Variants in P2RY12 observed in about 807,000 individuals in gnomAD.
P2RY12 encodes P2Y purinoceptor 12.
In P2RY12, 3 loss-of-function variants were observed where a neutral mutation model predicts 4.5. That is an observed-to-expected ratio of 0.67 (90% CI 0.31 to 1.74). P2RY12 has a LOEUF of 1.74. P2RY12 is among the 40% of genes most tolerant of loss of function. The pLI is 0.09. For missense variants in P2RY12, 356 were observed against 407.8 expected (o/e 0.87, Z 1.09); for synonymous variants, 148 against 154.1 (o/e 0.96, Z 0.29).
At chr3:151,369,383 A>G in intron 1 of P2RY12, 1 of 1,260,896 alleles carries the variant, frequency 7.9e-7, no homozygotes, top group Non-Finnish European at 1.1e-6. Context: ...AAATAATTAC[A>G]AAACATTACT....
At position 151,338,067 on chromosome 3, in the gene P2RY12, G is replaced by T. The variant is rs1325581551; in HGVS notation, c.779C>A (p.Thr260Asn). The change falls in exon 3 of 3, where the codon ACC (threonine) becomes AAC (asparagine). Residue 260 changes from threonine to asparagine, a missense_variant. Coordinates refer to ENST00000302632, the MANE Select transcript of P2RY12 (RefSeq NM_022788.5). Reference protein sequence around the residue: ...VPFHFARIPYTLSQTRDVFDC... With the variant: ...VPFHFARIPYNLSQTRDVFDC... ...AAAGACATCCCGGGTTTGGCTCAGG[G>T]TGTAAGGAATTCGGGCAAAATGGAA... 6.2e-7 allele frequency: 1 copy of T among 1,613,896 alleles called. No individual in the cohort carries two copies. The highest frequency in any genetic ancestry group is 1.3e-5 in the African/African-American group (1 of 74,904).
At chr3:151,377,300 C>G in intron 1 of P2RY12, 1 of 738,092 alleles carries the variant, frequency 1.4e-6, no homozygotes, top group Non-Finnish European at 2.2e-6. Flanking sequence ...TACTTGTAAG[C>G]AGGGATTATT....
rs1184367238 is a variant in P2RY12, at chr3:151,368,737, T to TTCATG, written c.-180+15954_-180+15955insCATGA. Among the ~76,000 whole-genome samples the TTCATG allele has an allele frequency of 7.5e-3, 575 of 77,158 alleles. 32 individuals carry two copies. Among genetic ancestry groups the TTCATG allele is most frequent in the Middle Eastern group, 0.012 (2 of 172 alleles). 50.6% of individuals were successfully genotyped at this position (77,158 alleles called of 152,430 possible). A position where few individuals can be genotyped will look rare whatever the true frequency, so the allele number is the denominator to read the frequency against. On this transcript the variant is annotated intron_variant, in intron 1 of 2. Transcript: ENST00000302632. ...TTCATTTCATTTCATTTCATTTCAT[T>TTCATG]TCATTTCATTTCATGTCATTTCATT...
intron 1 of P2RY12, 140 bp from the exon 2 acceptor site, chr3:151,340,900 G>C (rs1054394849): frequency 3.9e-5 from 6 of 152,178 alleles, no homozygotes; most frequent in African/African-American, 1.4e-4. Flanking sequence ...AGGAAATGTG[G>C]GATGAGGATG....
At chr3:151,352,084 C>T (rs1753303332) in intron 1 of P2RY12, among the ~76,000 whole-genome samples, 1 of 152,066 alleles carries the variant, frequency 6.6e-6, no homozygotes, top group African/African-American at 2.4e-5. Flanking sequence ...GGATGAGACC[C>T]AAGTCTAAAC....
chr3:151,342,309 C>G (rs1008520977), intron 1 of P2RY12, among the ~76,000 whole-genome samples: 3 of 152,212 alleles, frequency 2.0e-5, no homozygotes, highest in Admixed American at 6.5e-5. Context: ...ACTGCAGTGT[C>G]CTTCTGTTAT....
chr3:151,348,933 T>A (rs1752903055), intron 1 of P2RY12, among the ~76,000 whole-genome samples: 1 of 152,282 alleles, frequency 6.6e-6, no homozygotes, highest in Non-Finnish European at 1.5e-5. Context: ...AGGAACACAG[T>A]GCAGTTTGTT....
At chr3:151,365,018 C>T (rs374533892) in intron 1 of P2RY12, 81 of 1,613,822 alleles carry the variant, frequency 5.0e-5, no homozygotes, top group South Asian at 6.6e-5. Flanking sequence ...TATATAATAA[C>T]GTGATGCCTG....
chr3:151,383,976 AT>A, intron 1 of P2RY12: 1 of 1,480,154 alleles, frequency 6.8e-7, no homozygotes, highest in East Asian at 2.4e-5. Flanking sequence ...GCCACATCTT[AT>A]TTACTTGGAT....
intron 1 of P2RY12, chr3:151,376,355 G>A: frequency 1.5e-6 from 1 of 668,964 alleles, no homozygotes; most frequent in East Asian, 3.1e-5. Context: ...CTGTGGAATT[G>A]ACATACTTTA....
At chr3:151,382,808 C>A in intron 1 of P2RY12, 1 of 1,308,588 alleles carries the variant, frequency 7.6e-7, no homozygotes, top group Non-Finnish European at 1.1e-6. Flanking sequence ...ATACCTCCAG[C>A]TTTCCACTTC....
In P2RY12 at chr3:151,374,054, G is replaced by A. The variant is rs1031833211; in HGVS notation, c.-180+10638C>T. 9.9e-5 allele frequency among the ~76,000 whole-genome samples: 15 copies of A among 152,222 alleles called. No homozygotes were observed. In the South Asian group the frequency reaches 3.1e-3, roughly 32 times the overall value. On this transcript the variant is annotated intron_variant, in intron 1 of 2. Coordinates refer to ENST00000302632, the MANE Select transcript of P2RY12 (RefSeq NM_022788.5). ...AATTCCAATCCAACCCCACAAAGTTGTTCTGTGTTTTCCCCTAATTCATAT... is the reference window on the plus strand; with the variant it reads ...AATTCCAATCCAACCCCACAAAGTTATTCTGTGTTTTCCCCTAATTCATAT...
intron 1 of P2RY12, chr3:151,360,489 C>G (rs751697864): frequency 4.3e-6 from 7 of 1,612,328 alleles, no homozygotes; most frequent in Non-Finnish European, 5.9e-6. Context: ...GTGGTGTGGT[C>G]AAGCATGTCG....
intron 1 of P2RY12, chr3:151,366,141 A>G (rs1207424863): frequency 6.7e-6 from 4 of 601,128 alleles, no homozygotes; most frequent in African/African-American, 3.8e-5. Context: ...GTAAACCACA[A>G]TGACATTGCC....
intron 1 of P2RY12, chr3:151,357,067 A>C (rs1296112642): frequency 1.5e-6 from 1 of 664,814 alleles, no homozygotes; most frequent in Non-Finnish European, 2.5e-6. Context: ...TATAAATTGG[A>C]AAAGGATTAA....
At chr3:151,383,273 A>C (rs540990627) in intron 1 of P2RY12, among the ~76,000 whole-genome samples, 2 of 152,302 alleles carry the variant, frequency 1.3e-5, no homozygotes, top group East Asian at 3.9e-4. Context: ...ATACTTTTGC[A>C]GTTGTTTCTA....
intron 1 of P2RY12, among the ~76,000 whole-genome samples, chr3:151,364,157 A>G (rs1754994170): frequency 6.6e-6 from 1 of 152,194 alleles, no homozygotes; most frequent in Non-Finnish European, 1.5e-5. Flanking sequence ...GTAAGCACAA[A>G]TGGCTAAGTT....
chr3:151,382,618 A>C, intron 1 of P2RY12: 1 of 1,490,858 alleles, frequency 6.7e-7, no homozygotes, highest in Non-Finnish European at 9.2e-7. Flanking sequence ...ATGAGAGAAA[A>C]ATTAAACTTT....
At chr3:151,377,591 G>A (rs1711506384) in intron 1 of P2RY12, among the ~76,000 whole-genome samples, 1 of 152,146 alleles carries the variant, frequency 6.6e-6, no homozygotes, top group African/African-American at 2.4e-5. Flanking sequence ...ATGAAAGGCT[G>A]ATTTGTATTT....
Sources: allele counts gnomAD v4.1 joint callset (sites outside exome capture counted in the v4.1 genomes callset), GRCh38; gene constraint gnomAD v4.1.1; transcripts MANE v1.5; gene names NCBI Gene and HGNC (gene_info 2026-07-23, HGNC 2026-07-21).